The following PGAP1 variants were observed in gnomAD, a reference collection of about 807,000 sequenced individuals.
The protein encoded by PGAP1 is post-GPI attachment to proteins inositol deacylase 1.
PGAP1 carries 76 observed loss-of-function variants against 127.0 expected under a neutral mutation model. The observed-to-expected ratio is 0.60, with a 90% CI of 0.50 to 0.72. The LOEUF (loss-of-function observed/expected upper bound fraction) is 0.72. PGAP1 is among the 30% of genes least tolerant of loss of function. The probability of loss-of-function intolerance (pLI) is 0.00; values close to 1 mark genes in which losing one functional copy is unlikely to be tolerated. For synonymous variants in PGAP1, 362 were observed against 366.5 expected (o/e 0.99, Z 0.14); for missense variants, 982 against 1,071.3 (o/e 0.92, Z 1.16).
At chr2:196,926,210 G>A (rs767285414) in intron 1 of PGAP1, among the ~76,000 whole-genome samples, 12 of 151,988 alleles carry the variant, frequency 7.9e-5, no homozygotes, top group Non-Finnish European at 1.5e-4. Flanking sequence ...AGGGACAGCG[G>A]AGTAACTACG....
At chr2:196,889,632 G>A (rs1038748065) in intron 10 of PGAP1, among the ~76,000 whole-genome samples, 6 of 151,750 alleles carry the variant, frequency 4.0e-5, no homozygotes, top group African/African-American at 9.7e-5. Flanking sequence ...CGAGGCGGGC[G>A]GATCACGAGG....
chr2:196,890,668 T>A lies in PGAP1; in HGVS notation c.1173+160A>T, dbSNP rs534992421. Among the ~76,000 whole-genome samples the A allele has an allele frequency of 1.1e-3, 165 of 151,990 alleles. No homozygotes were observed. The East Asian group carries it at 0.019, about 17-fold the overall frequency. On this transcript the variant is annotated intron_variant, in intron 10 of 26. Coordinates refer to ENST00000354764, the MANE Select transcript of PGAP1 (RefSeq NM_024989.4). ...CATAGTATCTGTGATAAAAAAAAAA[T>A]TTGATCAATACTTTTCAATCAAAAC...
In PGAP1 at chr2:196,835,216, CCTT is replaced by C. The variant is rs1186618180; in HGVS notation, c.*6015_*6017del. On this transcript the variant is annotated 3_prime_UTR_variant, in exon 27 of 27. Transcript: ENST00000354764. ...TTAATATCTTGTTTTATAATATTTT[CCTT>C]TAAGATACGCATATTAAAAGGTTGT... The C allele has an allele frequency of 2.6e-5, 4 of 151,968 alleles. No individual in the cohort carries two copies. Among genetic ancestry groups the C allele is most frequent in the Non-Finnish European group, 4.4e-5 (3 of 67,880 alleles). 9.4% of individuals were successfully genotyped at this position (151,968 alleles called of 1,614,324 possible).
chr2:196,872,683 C>A (rs990338944), intron 17 of PGAP1, 134 bp from the exon 18 acceptor site: 8 of 646,276 alleles, frequency 1.2e-5, no homozygotes, highest in South Asian at 8.1e-5. Context: ...TGTGGATGGG[C>A]ACTTTTTCAA....
At chr2:196,883,997 T>C (rs1472959800) in intron 12 of PGAP1, among the ~76,000 whole-genome samples, 1 of 152,178 alleles carries the variant, frequency 6.6e-6, no homozygotes, top group Non-Finnish European at 1.5e-5. Context: ...CAGCTGTTTC[T>C]TACATTCAGA....
chr2:196,891,227 A>G (rs892670642), intron 9 of PGAP1, among the ~76,000 whole-genome samples: 6 of 152,172 alleles, frequency 3.9e-5, no homozygotes, highest in Non-Finnish European at 7.4e-5. Context: ...AAAGGCCTAG[A>G]AATGCCAACC....
chr2:196,883,501 C>T (rs886960274), intron 12 of PGAP1, among the ~76,000 whole-genome samples: 4 of 152,178 alleles, frequency 2.6e-5, no homozygotes, highest in Non-Finnish European at 2.9e-5. Context: ...GCAGCTAAGA[C>T]CCACCAGACA....
At chr2:196,878,526 A>G (rs182355721) in intron 13 of PGAP1, among the ~76,000 whole-genome samples, 2 of 152,246 alleles carry the variant, frequency 1.3e-5, no homozygotes, top group Non-Finnish European at 2.9e-5. Flanking sequence ...TTTTTGGATT[A>G]AGGGTGCTCA....
chr2:196,848,176 G>T, intron 20 of PGAP1, 139 bp from the exon 21 acceptor site: 1 of 434,856 alleles, frequency 2.3e-6, no homozygotes, highest in Non-Finnish European at 4.0e-6. Context: ...GACTCTTCTT[G>T]AAAGATTAAA....
intron 12 of PGAP1, among the ~76,000 whole-genome samples, chr2:196,883,709 T>C (rs2125810466): frequency 6.6e-6 from 1 of 152,340 alleles, no homozygotes; most frequent in Non-Finnish European, 1.5e-5. Flanking sequence ...TCATCTGACA[T>C]TACTTTTATT....
intron 7 of PGAP1, among the ~76,000 whole-genome samples, chr2:196,896,584 G>A (rs115838373): frequency 0.01 from 1,540 of 152,112 alleles, 22 homozygotes; most frequent in African/African-American, 0.035. Flanking sequence ...AGTAGTTCAC[G>A]CCTGTAATCC....
At position 196,865,067 on chromosome 2, in the gene PGAP1, TGAA is replaced by T; in HGVS notation, c.1778_1780del (p.Phe593_His594delinsTyr). The T allele has an allele frequency of 6.4e-7, 1 of 1,558,062 alleles. No individual in the cohort carries two copies. Among genetic ancestry groups the T allele is most frequent in the Non-Finnish European group, 8.6e-7 (1 of 1,159,092 alleles). ...GACATAAGCAGGAAGAGCTCCACCA[TGAA>T]ATCTAACTACCTAAAAAACAGGTAA... On this transcript the variant is annotated inframe_deletion, in exon 20 of 27. Transcript: ENST00000354764.
At chr2:196,869,673 A>AG (rs1701352186) in intron 19 of PGAP1, among the ~76,000 whole-genome samples, 1 of 152,122 alleles carries the variant, frequency 6.6e-6, no homozygotes. Context: ...CCATGATGCT[A>AG]TTTTCCAACT....
chr2:196,888,817 G>A (rs142591077), intron 10 of PGAP1, among the ~76,000 whole-genome samples: 225 of 152,134 alleles, frequency 1.5e-3, no homozygotes, highest in Non-Finnish European at 2.7e-3. Context: ...TGGTATTATG[G>A]TAATGTATAA....
At chr2:196,846,933 T>C in intron 22 of PGAP1, 70 bp downstream of exon 22, 2 of 1,271,366 alleles carry the variant, frequency 1.6e-6, no homozygotes. Context: ...ATAATTAATT[T>C]CAGGTTCCTT....
At position 196,840,148 on chromosome 2, in the gene PGAP1, CCA is replaced by C. The variant is rs1700366339; in HGVS notation, c.*1084_*1085del. 6.6e-6 allele frequency: 1 copy of C among 152,186 alleles called. No homozygotes were observed. The highest frequency in any genetic ancestry group is 2.4e-5 in the African/African-American group (1 of 41,432). 9.4% of individuals were successfully genotyped at this position (152,186 alleles called of 1,614,324 possible). On this transcript the variant is annotated 3_prime_UTR_variant, in exon 27 of 27. Transcript: ENST00000354764. The stretch of plus-strand genomic sequence containing the variant: ...GAAGTCACCTAGGCAAATCAAGATT[CCA>C]CTGTTAAACCTAGTGGCTAATGTCT...
chr2:196,874,977 C>T (rs1284885977), intron 14 of PGAP1, among the ~76,000 whole-genome samples: 3 of 152,190 alleles, frequency 2.0e-5, no homozygotes, highest in Non-Finnish European at 4.4e-5. Flanking sequence ...GATCATGCCA[C>T]TGTACTCCAG....
At chr2:196,841,490 T>C (rs938874805) in intron 26 of PGAP1, 118 bp from the exon 27 acceptor site, 3 of 774,556 alleles carry the variant, frequency 3.9e-6, no homozygotes, top group Non-Finnish European at 6.0e-6. Context: ...TAAATGAATT[T>C]TTAATGATAT....
chr2:196,877,251 C>T (rs1168403268), intron 13 of PGAP1, among the ~76,000 whole-genome samples: 1 of 151,980 alleles, frequency 6.6e-6, no homozygotes, highest in African/African-American at 2.4e-5. Flanking sequence ...AGATAAATTC[C>T]ATATTTGCAT....
Sources: gnomAD v4.1 joint callset for allele counts (sites outside exome capture counted in the v4.1 genomes callset) on GRCh38, gnomAD v4.1.1 for gene constraint, MANE v1.5 for transcripts, NCBI Gene and HGNC (gene_info 2026-07-23, HGNC 2026-07-21) for gene names.